Variants in NARS2 observed in about 807,000 individuals in gnomAD.
NARS2 encodes the protein asparaginyl-tRNA synthetase 2, mitochondrial.
Under a neutral mutation model 62.9 loss-of-function variants are expected in NARS2, and 60 were observed. That is an observed-to-expected ratio of 0.95 (90% CI 0.77 to 1.18). The LOEUF is 1.18. Among genes scored for constraint, NARS2 ranks in the 50% most tolerant of loss-of-function variants. NARS2 has a pLI of 0.00. For synonymous variants in NARS2, 196 were observed against 200.0 expected (o/e 0.98, Z 0.17); for missense variants, 619 against 576.4 (o/e 1.07, Z -0.76).
chr11:78,437,095 C>T (rs1436786466), intron 13 of NARS2, among the ~76,000 whole-genome samples: 1 of 152,166 alleles, frequency 6.6e-6, no homozygotes, highest in Admixed American at 6.5e-5. Context: ...TGACAGAAAA[C>T]TTGCCTCAGG....
intron 6 of NARS2, among the ~76,000 whole-genome samples, chr11:78,508,368 C>T (rs1185395724): frequency 6.6e-6 from 1 of 152,056 alleles, no homozygotes; most frequent in Non-Finnish European, 1.5e-5. Flanking sequence ...GCGGGCAGAC[C>T]ACCTGAGGTG....
At position 78,529,190 on chromosome 11, in the gene NARS2, A is replaced by G. The variant is rs143600822; in HGVS notation, c.595-254T>C. The stretch of plus-strand genomic sequence containing the variant: ...AGGACCAAAGTACCTTTGTCACAAA[A>G]TATACTTCCCCCTAAAAAGTGATTC... On this transcript the variant is annotated intron_variant, in intron 5 of 13. Transcript: ENST00000281038. Among the ~76,000 whole-genome samples, 250 of 152,302 alleles carry G rather than the reference A, an allele frequency of 1.6e-3. 2 individuals carry two copies. Among genetic ancestry groups the G allele is most frequent in the African/African-American group, 5.7e-3 (238 of 41,554 alleles).
chr11:78,515,374 T>C (rs538450278), intron 6 of NARS2, among the ~76,000 whole-genome samples: 85 of 152,060 alleles, frequency 5.6e-4, no homozygotes, highest in African/African-American at 2.0e-3. Flanking sequence ...TCAGTAGTGT[T>C]TGCTAGGGGT....
intron 4 of NARS2, among the ~76,000 whole-genome samples, chr11:78,563,829 CAA>C (rs1167838676): frequency 1.4e-4 from 2 of 14,118 alleles, no homozygotes; most frequent in African/African-American, 5.3e-4. Flanking sequence ...AACTCTGTAT[CAA>C]AAAAAAAAAA....
intron 5 of NARS2, among the ~76,000 whole-genome samples, chr11:78,557,642 T>C (rs992434931): frequency 2.0e-5 from 3 of 152,182 alleles, no homozygotes; most frequent in African/African-American, 7.2e-5. Flanking sequence ...ATCCCACAAA[T>C]TCCTTTCCCT....
chr11:78,494,829 G>C (rs189998293), intron 6 of NARS2, among the ~76,000 whole-genome samples: 5 of 152,230 alleles, frequency 3.3e-5, no homozygotes, highest in Admixed American at 3.3e-4. Context: ...AAGACAAAAT[G>C]AACAATCCTG....
chr11:78,539,410 G>A (rs1855523257), intron 5 of NARS2, among the ~76,000 whole-genome samples: 2 of 152,144 alleles, frequency 1.3e-5, no homozygotes, highest in South Asian at 4.1e-4. Flanking sequence ...TTAAGCAAAT[G>A]AGTAGATGGT....
chr11:78,491,532 T>C (rs918063819), intron 7 of NARS2, among the ~76,000 whole-genome samples: 5 of 152,254 alleles, frequency 3.3e-5, no homozygotes, highest in Admixed American at 1.3e-4. Context: ...TTCCAGTGGC[T>C]AATCACATCC....
rs948333663 is a variant in NARS2 at position 78,571,915 on chromosome 11, T to C, written c.142-471A>G. ...TTCTAAATCAACAGTAATTTCCAGGTTGGGCACAGAAATCTCAGCACTTTG... is the reference window on the plus strand; with the variant it reads ...TTCTAAATCAACAGTAATTTCCAGGCTGGGCACAGAAATCTCAGCACTTTG... On this transcript the variant is annotated intron_variant, in intron 1 of 13. Transcript: ENST00000281038. 4.6e-5 allele frequency among the ~76,000 whole-genome samples: 7 copies of C among 152,052 alleles called. No individual in the cohort carries two copies. In the South Asian group the frequency reaches 1.2e-3, roughly 27 times the overall value.
At chr11:78,564,541 T>C (rs1856675310) in intron 4 of NARS2, among the ~76,000 whole-genome samples, 1 of 152,208 alleles carries the variant, frequency 6.6e-6, no homozygotes, top group South Asian at 2.1e-4. Flanking sequence ...ACTTTTTAAT[T>C]GTTTACATAT....
chr11:78,547,687 G>C (rs932577019), intron 5 of NARS2, among the ~76,000 whole-genome samples: 54 of 152,294 alleles, frequency 3.5e-4, no homozygotes, highest in African/African-American at 1.2e-3. Context: ...ACAAAAATTA[G>C]CTGGGTGTGG....
intron 6 of NARS2, among the ~76,000 whole-genome samples, chr11:78,523,593 A>G (rs1258455529): frequency 6.6e-6 from 1 of 152,252 alleles, no homozygotes; most frequent in East Asian, 1.9e-4. Context: ...ATGAAGCAAA[A>G]TATTATATGC....
At position 78,545,950 on chromosome 11, in the gene NARS2, A is replaced by G. The variant is rs145188523; in HGVS notation, c.594+13589T>C. On this transcript the variant is annotated intron_variant, in intron 5 of 13. Transcript: ENST00000281038. ...CAATTTATTTTTCTTCGCAATACAA[A>G]TCACCATCTGTTCTGATTACCTATT... is the stretch of plus-strand genomic sequence containing the variant. Among the ~76,000 whole-genome samples, 799 of 152,330 alleles carry G rather than the reference A, an allele frequency of 5.2e-3. 2 individuals carry two copies. Among genetic ancestry groups the G allele is most frequent in the African/African-American group, 0.015 (627 of 41,554 alleles).
chr11:78,545,686 C>T (rs973591200), intron 5 of NARS2, among the ~76,000 whole-genome samples: 2 of 151,866 alleles, frequency 1.3e-5, no homozygotes, highest in African/African-American at 4.8e-5. Flanking sequence ...GCCACTGTGG[C>T]CAGCTAATTT....
In NARS2 at chr11:78,441,074, A is replaced by G; in HGVS notation, c.1289+17T>C. The G allele has an allele frequency of 6.2e-7, 1 of 1,610,044 alleles. No individual in the cohort carries two copies. The highest frequency in any genetic ancestry group is 1.1e-5 in the South Asian group (1 of 90,786). ...ACAAGCAGCTAGAGTAAGAATTATT[A>G]GGGGCCACATTCTTACCATTGGTAG... On this transcript the variant is annotated intron_variant, in intron 13 of 13. Transcript: ENST00000281038.
chr11:78,440,352 C>T (rs1354441087), intron 13 of NARS2, among the ~76,000 whole-genome samples: 1 of 152,066 alleles, frequency 6.6e-6, no homozygotes, highest in African/African-American at 2.4e-5. Context: ...GCGTGAGCCA[C>T]CATGCCCGGC....
intron 5 of NARS2, among the ~76,000 whole-genome samples, chr11:78,540,343 T>G (rs1202500915): frequency 6.6e-6 from 1 of 152,196 alleles, no homozygotes; most frequent in East Asian, 1.9e-4. Flanking sequence ...CAAATTTAGC[T>G]GAGCAGTTTC....
intron 5 of NARS2, among the ~76,000 whole-genome samples, chr11:78,553,185 A>G (rs12793872): frequency 0.69 from 104,371 of 151,772 alleles, 37,623 homozygotes; most frequent in Non-Finnish European, 0.81. Flanking sequence ...TGTGGTTTTG[A>G]TTTGCATTTC....
At chr11:78,498,658 T>C (rs557739784) in intron 6 of NARS2, among the ~76,000 whole-genome samples, 25 of 137,356 alleles carry the variant, frequency 1.8e-4, no homozygotes, top group South Asian at 1.6e-3. Context: ...TAGGCCAATC[T>C]TCCCAATACG....
Sources: gnomAD v4.1 joint callset for allele counts (sites outside exome capture counted in the v4.1 genomes callset) on GRCh38, gnomAD v4.1.1 for gene constraint, MANE v1.5 for transcripts, NCBI Gene and HGNC (gene_info 2026-07-23, HGNC 2026-07-21) for gene names.